MAML2: variants seen among roughly 807,000 people sequenced by gnomAD.
MAML2 encodes mastermind-like protein 2.
A neutral mutation model predicts 96.1 loss-of-function variants in MAML2; 22 were observed. The observed-to-expected ratio is 0.23, with a 90% confidence interval of 0.16 to 0.33. The LOEUF is 0.33. Among genes scored for constraint, MAML2 ranks in the 10% least tolerant of loss-of-function variants. The pLI, the probability that MAML2 is intolerant of heterozygous loss-of-function variation, is 1.00. For missense variants in MAML2, 1,367 were observed against 1,392.4 expected, an observed-to-expected ratio of 0.98 and a Z score of 0.29; for synonymous variants, 561 against 521.3, an observed-to-expected ratio of 1.08 and a Z score of -1.04.
At chr11:96,121,085 G>GA (rs1227389270) in intron 1 of MAML2, among the ~76,000 whole-genome samples, 1 of 151,082 alleles carries the variant, frequency 6.6e-6, no homozygotes, top group Non-Finnish European at 1.5e-5. Flanking sequence ...CCAGAGTCAG[G>GA]GGGGAGTGAA....
intron 2 of MAML2, among the ~76,000 whole-genome samples, chr11:96,012,325 A>G (rs1858279752): frequency 1.3e-5 from 2 of 152,208 alleles, no homozygotes. Flanking sequence ...GCCTTGTCCA[A>G]CAATCAAGTC....
At chr11:96,088,582 A>C (rs1859654878) in intron 2 of MAML2, among the ~76,000 whole-genome samples, 1 of 152,196 alleles carries the variant, frequency 6.6e-6, no homozygotes, top group Admixed American at 6.5e-5. Flanking sequence ...TATAGCCAAG[A>C]GGTATCTCCA....
intron 1 of MAML2, among the ~76,000 whole-genome samples, chr11:96,339,795 C>T (rs544502656): frequency 6.6e-6 from 1 of 152,320 alleles, no homozygotes; most frequent in African/African-American, 2.4e-5. Flanking sequence ...TTGAGCGATT[C>T]TTTACCCCCC....
intron 2 of MAML2, among the ~76,000 whole-genome samples, chr11:96,003,833 A>G (rs1488042934): frequency 6.6e-6 from 1 of 152,136 alleles, no homozygotes; most frequent in Non-Finnish European, 1.5e-5. Context: ...TAAATAATAT[A>G]CAATTTCTGA....
At chr11:96,294,566 A>T (rs1400280633) in intron 1 of MAML2, among the ~76,000 whole-genome samples, 1 of 152,240 alleles carries the variant, frequency 6.6e-6, no homozygotes, top group Non-Finnish European at 1.5e-5. Flanking sequence ...GACAGCAGAG[A>T]TCACTATTCT....
chr11:96,136,857 T>C (rs973277472), intron 1 of MAML2, among the ~76,000 whole-genome samples: 1 of 152,198 alleles, frequency 6.6e-6, no homozygotes, highest in East Asian at 1.9e-4. Flanking sequence ...ACTGAATCAA[T>C]AGGATGAACA....
intron 1 of MAML2, among the ~76,000 whole-genome samples, chr11:96,329,637 T>G (rs1218942757): frequency 6.6e-6 from 1 of 152,198 alleles, no homozygotes; most frequent in Non-Finnish European, 1.5e-5. Flanking sequence ...ATGACTAAAT[T>G]GCCCTACTAG....
At chr11:96,283,390 G>C (rs1863097424) in intron 1 of MAML2, among the ~76,000 whole-genome samples, 1 of 152,118 alleles carries the variant, frequency 6.6e-6, no homozygotes, top group Admixed American at 6.6e-5. Context: ...ACGTTTATTA[G>C]AACACTTGAC....
chr11:95,989,207 T>G (rs1302637528), intron 3 of MAML2, among the ~76,000 whole-genome samples: 2 of 152,262 alleles, frequency 1.3e-5, no homozygotes, highest in African/African-American at 4.8e-5. Flanking sequence ...GCCAACTGAC[T>G]GCAAATGACC....
chr11:96,192,673 G>C (rs1221027193), intron 1 of MAML2, among the ~76,000 whole-genome samples: 1 of 152,168 alleles, frequency 6.6e-6, no homozygotes, highest in Non-Finnish European at 1.5e-5. Flanking sequence ...GCATTCCTTG[G>C]AATGACGCCT....
At chr11:96,233,662 G>C (rs542396790) in intron 1 of MAML2, among the ~76,000 whole-genome samples, 4 of 152,222 alleles carry the variant, frequency 2.6e-5, no homozygotes, top group African/African-American at 9.6e-5. Flanking sequence ...TCCTGCCTCT[G>C]CCTCCTAAAG....
chr11:96,045,358 G>T (rs1387442147), intron 2 of MAML2, among the ~76,000 whole-genome samples: 1 of 152,150 alleles, frequency 6.6e-6, no homozygotes, highest in African/African-American at 2.4e-5. Flanking sequence ...GTGAACCCTA[G>T]TCCTGCCACT....
chr11:96,151,526 G>A (rs543411950), intron 1 of MAML2, among the ~76,000 whole-genome samples: 1 of 152,176 alleles, frequency 6.6e-6, no homozygotes, highest in Non-Finnish European at 1.5e-5. Flanking sequence ...AGTATTGGAG[G>A]TGAGGCCTGG....
intron 1 of MAML2, among the ~76,000 whole-genome samples, chr11:96,294,365 T>C (rs1863257441): frequency 6.6e-6 from 1 of 151,930 alleles, no homozygotes; most frequent in Admixed American, 6.6e-5. Flanking sequence ...CATCATCAAT[T>C]AGTTCTAAAG....
intron 1 of MAML2, among the ~76,000 whole-genome samples, chr11:96,181,342 C>T (rs1358062180): frequency 6.6e-6 from 1 of 152,196 alleles, no homozygotes; most frequent in Non-Finnish European, 1.5e-5. Flanking sequence ...TACTACTTGT[C>T]TTATCTCTGC....
At chr11:96,077,739 C>G (rs1859465851) in intron 2 of MAML2, among the ~76,000 whole-genome samples, 1 of 152,202 alleles carries the variant, frequency 6.6e-6, no homozygotes, top group African/African-American at 2.4e-5. Flanking sequence ...GTCCACAGTA[C>G]AGGATGGGGA....
At chr11:96,023,190 G>C (rs1311472684) in intron 2 of MAML2, among the ~76,000 whole-genome samples, 1 of 152,160 alleles carries the variant, frequency 6.6e-6, no homozygotes, top group African/African-American at 2.4e-5. Context: ...AGAAAACTTG[G>C]ACCCTCATCA....
intron 2 of MAML2, among the ~76,000 whole-genome samples, chr11:96,010,667 A>G (rs958145156): frequency 2.6e-5 from 4 of 152,352 alleles, no homozygotes; most frequent in African/African-American, 9.6e-5. Flanking sequence ...TTATATACAG[A>G]TGTAAAACAC....
chr11:96,028,789 C>G (rs1212937981), intron 2 of MAML2, among the ~76,000 whole-genome samples: 1 of 152,094 alleles, frequency 6.6e-6, no homozygotes, highest in Non-Finnish European at 1.5e-5. Context: ...ACATTGCTGT[C>G]CTTTATTGTA....
Sources: allele counts gnomAD v4.1 joint callset (sites outside exome capture counted in the v4.1 genomes callset), GRCh38; gene constraint gnomAD v4.1.1; transcripts MANE v1.5; gene names NCBI Gene and HGNC (gene_info 2026-07-23, HGNC 2026-07-21).